ACYP2: variants seen among roughly 807,000 people sequenced by gnomAD.
ACYP2 encodes the protein acylphosphatase 2, also known as acylphosphatase-2.
ACYP2 carries 12 observed loss-of-function variants against 11.2 expected under a neutral mutation model. The observed-to-expected ratio is 1.08, with a 90% CI of 0.69 to 1.74. The LOEUF (loss-of-function observed/expected upper bound fraction) is 1.74, where lower values mean the gene tolerates loss of function less well. Ranked by LOEUF, ACYP2 falls within the 40% of genes most tolerant of loss-of-function variation. The pLI is 0.00. For missense variants in ACYP2, 134 were observed against 101.9 expected (o/e 1.31, Z -1.35); for synonymous variants, 43 against 32.2 (o/e 1.33, Z -1.13).
At chr2:54,020,148 G>A (rs1420763363) in intron 2 of ACYP2, among the ~76,000 whole-genome samples, 3 of 152,066 alleles carry the variant, frequency 2.0e-5, no homozygotes, top group African/African-American at 7.2e-5. Context: ...TGTTGGTCAG[G>A]CTGGTCTCGA....
chr2:54,193,527 G>A (rs1558601935), intron 6 of ACYP2, among the ~76,000 whole-genome samples: 1 of 152,088 alleles, frequency 6.6e-6, no homozygotes, highest in Admixed American at 6.6e-5. Context: ...GTCGTGACAA[G>A]TACTCAAAAG....
Position 54,105,836 on chromosome 2 carries a change from C to T in ACYP2, c.278-29617C>T, listed in dbSNP as rs186404990. Among the ~76,000 whole-genome samples, 20 of 152,180 alleles carry T rather than the reference C, an allele frequency of 1.3e-4. No individual in the cohort carries two copies. In the East Asian group the frequency reaches 3.3e-3, roughly 25 times the overall value. ...CATCACCTTCTCCCCAGCACCTACA[C>T]ATGGCACATACTGGGTATTCAGTAA... On this transcript the variant is annotated intron_variant, in intron 4 of 6. Coordinates refer to ENST00000607452, the MANE Select transcript of ACYP2 (RefSeq NM_001320586.2).
At chr2:54,051,353 G>A (rs1675856362) in intron 3 of ACYP2, 2 of 761,022 alleles carry the variant, frequency 2.6e-6, no homozygotes. Flanking sequence ...TCAGAGAGGT[G>A]GAAGACCATG....
In ACYP2 at chr2:54,201,682, C is replaced by CTTTCTTTCTTTCTTTCTG. The variant is rs60217019; in HGVS notation, c.404+62935_404+62936insTTCTTTCTTTCTTTCTGT. Among the ~76,000 whole-genome samples the CTTTCTTTCTTTCTTTCTG allele has an allele frequency of 4.8e-4, 53 of 110,820 alleles. 2 individuals carry two copies. Among genetic ancestry groups the CTTTCTTTCTTTCTTTCTG allele is most frequent in the Non-Finnish European group, 6.5e-4 (35 of 53,900 alleles). The allele number at this position is 110,820 out of a possible 152,430, so 72.7% of individuals were successfully genotyped here. ...TCTTTCTTTCTTTCTTTCTTTCTTT[C>CTTTCTTTCTTTCTTTCTG]TCTCTCTCTCTCTCTCTTTTTTCTT... On this transcript the variant is annotated intron_variant, in intron 6 of 6. Transcript: ENST00000607452.
chr2:54,031,370 G>T (rs1319840624), intron 2 of ACYP2, among the ~76,000 whole-genome samples: 2 of 147,514 alleles, frequency 1.4e-5, no homozygotes, highest in African/African-American at 2.5e-5. Context: ...GTGAGAACAT[G>T]CAGTGTTTGG....
chr2:54,234,360 C>T (rs1490081861), intron 6 of ACYP2, among the ~76,000 whole-genome samples: 1 of 152,210 alleles, frequency 6.6e-6, no homozygotes, highest in African/African-American at 2.4e-5. Context: ...GATGGGCCAC[C>T]TCTACATCTT....
intron 4 of ACYP2, among the ~76,000 whole-genome samples, chr2:54,063,417 T>C (rs1418626763): frequency 6.6e-6 from 1 of 152,198 alleles, no homozygotes; most frequent in Admixed American, 6.5e-5. Context: ...CCTCCATCTT[T>C]CTCGACCCTG....
At chr2:54,205,070 G>T (rs556758875) in intron 6 of ACYP2, among the ~76,000 whole-genome samples, 1 of 93,088 alleles carries the variant, frequency 1.1e-5, no homozygotes, top group African/African-American at 3.1e-5. Context: ...CATTAATTTG[G>T]CTTTTGTAAA....
intron 2 of ACYP2, among the ~76,000 whole-genome samples, chr2:54,042,901 T>C (rs1466207160): frequency 6.6e-6 from 1 of 152,162 alleles, no homozygotes; most frequent in Non-Finnish European, 1.5e-5. Context: ...CCTAAACACA[T>C]CAGCACACCC....
intron 4 of ACYP2, among the ~76,000 whole-genome samples, chr2:54,125,364 C>A (rs1680426705): frequency 6.6e-6 from 1 of 152,080 alleles, no homozygotes; most frequent in African/African-American, 2.4e-5. Flanking sequence ...ACATCAAAAT[C>A]CTTAAAGTCT....
chr2:54,133,186 T>G (rs192176459), intron 4 of ACYP2, among the ~76,000 whole-genome samples: 1 of 152,346 alleles, frequency 6.6e-6, no homozygotes, highest in African/African-American at 2.4e-5. Context: ...GACAATCAGT[T>G]TTCTGTCCTT....
chr2:53,976,772 T>G (rs1228511504), intron 2 of ACYP2, among the ~76,000 whole-genome samples: 1 of 152,236 alleles, frequency 6.6e-6, no homozygotes, highest in Non-Finnish European at 1.5e-5. Context: ...CTAGAGTATA[T>G]GTGGAGTTCA....
intron 4 of ACYP2, among the ~76,000 whole-genome samples, chr2:54,060,731 G>A (rs1387544164): frequency 6.6e-6 from 1 of 152,206 alleles, no homozygotes; most frequent in Non-Finnish European, 1.5e-5. Context: ...TTTATGCACA[G>A]GATGTTCTCA....
intron 6 of ACYP2, among the ~76,000 whole-genome samples, chr2:54,285,097 C>A (rs1689020445): frequency 1.3e-5 from 2 of 152,212 alleles, no homozygotes; most frequent in Admixed American, 1.3e-4. Flanking sequence ...ATTTTGCCTT[C>A]CAGCTGTGCC....
At chr2:54,057,143 T>C in intron 3 of ACYP2, 1 of 393,350 alleles carries the variant, frequency 2.5e-6, no homozygotes, top group Non-Finnish European at 4.5e-6. Flanking sequence ...TTAGATTGTC[T>C]AGATTGACTG....
At chr2:54,029,675 A>G in intron 2 of ACYP2, 1 of 471,950 alleles carries the variant, frequency 2.1e-6, no homozygotes, top group South Asian at 1.8e-5. Flanking sequence ...TAGAGTGCTT[A>G]AAGTGCTTAA....
At chr2:54,033,892 G>C (rs1243338352) in intron 2 of ACYP2, among the ~76,000 whole-genome samples, 1 of 152,156 alleles carries the variant, frequency 6.6e-6, no homozygotes, top group Non-Finnish European at 1.5e-5. Context: ...ACTTTTCCCA[G>C]AAATACATGC....
chr2:54,031,089 G>C (rs1443302597), intron 2 of ACYP2, among the ~76,000 whole-genome samples: 1 of 152,132 alleles, frequency 6.6e-6, no homozygotes, highest in Non-Finnish European at 1.5e-5. Flanking sequence ...TGTCTCATTG[G>C]TGTCAGGGAA....
chr2:54,015,385 G>A (rs1415469983), intron 2 of ACYP2, among the ~76,000 whole-genome samples: 1 of 151,996 alleles, frequency 6.6e-6, no homozygotes, highest in African/African-American at 2.4e-5. Context: ...GTGCATGCCT[G>A]TAATCCCAGC....
Sources: allele counts gnomAD v4.1 joint callset (sites outside exome capture counted in the v4.1 genomes callset), GRCh38; gene constraint gnomAD v4.1.1; transcripts MANE v1.5; gene names NCBI Gene and HGNC (gene_info 2026-07-23, HGNC 2026-07-21).